Variants in PDE1A observed in about 807,000 individuals in gnomAD.
PDE1A encodes the protein dual specificity calcium/calmodulin-dependent 3',5'-cyclic nucleotide phosphodiesterase 1A.
A neutral mutation model predicts 61.7 loss-of-function variants in PDE1A; 35 were observed. The observed-to-expected ratio is 0.57, with a 90% confidence interval of 0.43 to 0.75. The LOEUF is 0.75. Ranked by LOEUF, PDE1A falls within the 30% of genes least tolerant of loss-of-function variation. The pLI, the probability that PDE1A is intolerant of heterozygous loss-of-function variation, is 0.00. For synonymous variants in PDE1A, 232 were observed against 213.2 expected, an observed-to-expected ratio of 1.09 and a Z score of -0.77; for missense variants, 597 against 630.6, an observed-to-expected ratio of 0.95 and a Z score of 0.57.
upstream of PDE1A, among the ~76,000 whole-genome samples, chr2:182,523,896 T>C (rs903553839): frequency 6.6e-6 from 1 of 152,202 alleles, no homozygotes; most frequent in Non-Finnish European, 1.5e-5. Context: ...TAGTCAGTTA[T>C]AATGTGTACG....
chr2:182,355,819 AC>A (rs1559370012), intron 1 of PDE1A, among the ~76,000 whole-genome samples: 1 of 152,174 alleles, frequency 6.6e-6, no homozygotes, highest in African/African-American at 2.4e-5. Context: ...CTAATTGAGA[AC>A]ACATTTAATG....
At chr2:182,315,882 C>T (rs776481573) in intron 1 of PDE1A, among the ~76,000 whole-genome samples, 2 of 152,062 alleles carry the variant, frequency 1.3e-5, no homozygotes, top group Non-Finnish European at 2.9e-5. Flanking sequence ...TTAAGAGCAC[C>T]AAGAAAGAGC....
At chr2:182,467,559 C>G (rs1176652565) in intron 2 of PDE1A, among the ~76,000 whole-genome samples, 1 of 151,778 alleles carries the variant, frequency 6.6e-6, no homozygotes, top group Non-Finnish European at 1.5e-5. Flanking sequence ...TTTTATTAAG[C>G]CAGAATTATC....
chr2:182,385,452 G>GT lies in PDE1A; in HGVS notation c.53+41125dup, dbSNP rs932670087. Reference sequence around the variant, plus strand: ...AATGGAATAAATGTATATTTTGTGGGTTTTTTTAAAATCAAAATCAAGTTT... The same window carrying GT: ...AATGGAATAAATGTATATTTTGTGGGTTTTTTTTAAAATCAAAATCAAGTTT... On this transcript the variant is annotated intron_variant, in intron 1 of 13. Coordinates refer to ENST00000351439, the Ensembl canonical transcript of PDE1A. Among the ~76,000 whole-genome samples the GT allele has an allele frequency of 5.3e-5, 8 of 151,932 alleles. No individual in the cohort carries two copies. In the South Asian group the frequency reaches 1.0e-3, roughly 20 times the overall value.
intron 13 of PDE1A, among the ~76,000 whole-genome samples, chr2:182,177,155 G>T (rs1160305222): frequency 6.6e-6 from 1 of 150,936 alleles, no homozygotes; most frequent in Non-Finnish European, 1.5e-5. Context: ...CTCTTTTTTT[G>T]TTGTGTCTCT....
intron 10 of PDE1A, among the ~76,000 whole-genome samples, chr2:182,190,184 ATTG>A (rs1685571582): frequency 6.6e-6 from 1 of 152,246 alleles, no homozygotes; most frequent in Admixed American, 6.5e-5. Context: ...TAGAATCAGA[ATTG>A]TTGAGGAAAA....
At chr2:182,336,960 CT>C (rs71008221) in intron 1 of PDE1A, among the ~76,000 whole-genome samples, 3,119 of 146,124 alleles carry the variant, frequency 0.021, 91 homozygotes, top group African/African-American at 0.073. Flanking sequence ...ACATGTATCC[CT>C]TTTTTTTTTT....
intron 2 of PDE1A, among the ~76,000 whole-genome samples, chr2:182,435,061 C>G (rs112101867): frequency 6.6e-6 from 1 of 151,872 alleles, no homozygotes; most frequent in Non-Finnish European, 1.5e-5. Flanking sequence ...TTGATTGGCT[C>G]CAATTAGCAC....
intron 1 of PDE1A, among the ~76,000 whole-genome samples, chr2:182,368,210 TATC>T: frequency 6.6e-6 from 1 of 152,158 alleles, no homozygotes; most frequent in South Asian, 2.1e-4. Flanking sequence ...CACTTTCTAA[TATC>T]ATTATCGCAT....
chr2:182,637,294 T>C, the PDE1A span, among the ~76,000 whole-genome samples: 6 of 152,316 alleles, frequency 3.9e-5, no homozygotes, highest in East Asian at 1.2e-3. Context: ...GATTAGCTAA[T>C]ATAATCTCCT....
chr2:182,355,774 T>A (rs1406656212), intron 1 of PDE1A, among the ~76,000 whole-genome samples: 1 of 152,192 alleles, frequency 6.6e-6, no homozygotes, highest in African/African-American at 2.4e-5. Flanking sequence ...AATTCCAGTT[T>A]AGTTCCTTCA....
At chr2:182,688,127 T>A in the PDE1A span, among the ~76,000 whole-genome samples, 1 of 152,116 alleles carries the variant, frequency 6.6e-6, no homozygotes, top group African/African-American at 2.4e-5. Flanking sequence ...CAGGAGAACT[T>A]CCCCAACCTA....
At chr2:182,363,900 T>C (rs1237815709) in intron 1 of PDE1A, among the ~76,000 whole-genome samples, 3 of 151,934 alleles carry the variant, frequency 2.0e-5, no homozygotes, top group Non-Finnish European at 1.5e-5. Context: ...AACGTATAGA[T>C]GGAAATAGAT....
At chr2:182,411,492 G>A (rs149794984) in intron 1 of PDE1A, among the ~76,000 whole-genome samples, 87 of 152,162 alleles carry the variant, frequency 5.7e-4, no homozygotes, top group African/African-American at 2.0e-3. Flanking sequence ...GATGACAATT[G>A]GGGTATGTAT....
chr2:182,349,227 G>A (rs1033885757), intron 1 of PDE1A, among the ~76,000 whole-genome samples: 8 of 152,162 alleles, frequency 5.3e-5, no homozygotes, highest in Non-Finnish European at 1.0e-4. Context: ...AAGCCTCTGT[G>A]GGTGAACAAC....
intron 1 of PDE1A, among the ~76,000 whole-genome samples, chr2:182,371,398 G>A (rs548297210): frequency 1.3e-5 from 2 of 152,266 alleles, no homozygotes; most frequent in South Asian, 2.1e-4. Context: ...CTCCTGAGAC[G>A]AAAACTTATT....
At position 182,424,182 on chromosome 2, in the gene PDE1A, C is replaced by T. The variant is rs1051373728; in HGVS notation, c.53+2396G>A. On this transcript the variant is annotated intron_variant, in intron 1 of 13. Coordinates refer to ENST00000351439, the Ensembl canonical transcript of PDE1A. The stretch of plus-strand genomic sequence containing the variant: ...GTAGTCTCAAACTCCTGAACTCAGG[C>T]GATCCACTCACCTTGGCCTCCCAAA... Among the ~76,000 whole-genome samples the T allele has an allele frequency of 1.6e-4, 25 of 152,160 alleles. No individual in the cohort carries two copies. The East Asian group carries it at 1.7e-3, about 11-fold the overall frequency.
chr2:182,468,089 T>A (rs539005753), intron 2 of PDE1A, among the ~76,000 whole-genome samples: 2 of 152,096 alleles, frequency 1.3e-5, no homozygotes, highest in East Asian at 3.9e-4. Context: ...GGTTGCTGAG[T>A]GATCAGGACG....
chr2:182,283,567 T>TA (rs1282603493), intron 1 of PDE1A, among the ~76,000 whole-genome samples: 5 of 152,120 alleles, frequency 3.3e-5, no homozygotes, highest in African/African-American at 1.2e-4. Context: ...ATGAGTTTTT[T>TA]TAAAAAAAAT....
Sources: allele counts gnomAD v4.1 joint callset (sites outside exome capture counted in the v4.1 genomes callset), GRCh38; gene constraint gnomAD v4.1.1; transcripts MANE v1.5; gene names NCBI Gene and HGNC (gene_info 2026-07-23, HGNC 2026-07-21).